PTPRT: variants seen among roughly 807,000 people sequenced by gnomAD.
PTPRT encodes the protein protein tyrosine phosphatase receptor type T.
Under a neutral mutation model 176.8 loss-of-function variants are expected in PTPRT, and 56 were observed. The ratio of observed to expected loss-of-function variants is 0.32; its 90% CI spans 0.26 to 0.40. The LOEUF is 0.40. Among genes scored for constraint, PTPRT ranks in the 10% least tolerant of loss-of-function variants. The pLI, the probability that PTPRT is intolerant of heterozygous loss-of-function variation, is 1.00. For synonymous variants in PTPRT, 783 were observed against 739.0 expected (o/e 1.06, Z -0.96); for missense variants, 1,540 against 1,908.2 (o/e 0.81, Z 3.60).
chr20:42,305,684 G>T (rs924272447), intron 12 of PTPRT, among the ~76,000 whole-genome samples: 4 of 152,132 alleles, frequency 2.6e-5, no homozygotes, highest in African/African-American at 9.7e-5. Flanking sequence ...TTTGCAAAGA[G>T]TTATCACGCC....
intron 18 of PTPRT, among the ~76,000 whole-genome samples, chr20:42,135,093 C>T (rs1345896997): frequency 6.6e-6 from 1 of 152,218 alleles, no homozygotes; most frequent in Non-Finnish European, 1.5e-5. Context: ...CCTATCCCTT[C>T]CAAAGACTGG....
intron 9 of PTPRT, 21 bp downstream of exon 9, chr20:42,448,199 C>T (rs760090878): frequency 6.4e-7 from 1 of 1,552,446 alleles, no homozygotes; most frequent in Non-Finnish European, 8.9e-7. Context: ...CCAATGGATG[C>T]AGCACAAGGG....
chr20:42,637,830 C>T (rs1331601571), intron 7 of PTPRT, among the ~76,000 whole-genome samples: 1 of 152,068 alleles, frequency 6.6e-6, no homozygotes, highest in Non-Finnish European at 1.5e-5. Context: ...AGAGCAACTG[C>T]AAATATATTA....
chr20:42,267,335 C>T (rs2056856343), intron 13 of PTPRT, among the ~76,000 whole-genome samples: 1 of 152,206 alleles, frequency 6.6e-6, no homozygotes, highest in Non-Finnish European at 1.5e-5. Flanking sequence ...GTATTAAGTG[C>T]ATTTTCAACT....
At chr20:42,425,656 G>A (rs772382553) in intron 9 of PTPRT, among the ~76,000 whole-genome samples, 3 of 152,204 alleles carry the variant, frequency 2.0e-5, no homozygotes, top group Admixed American at 6.5e-5. Context: ...TATGTGAGGA[G>A]ATGGATATGT....
chr20:42,681,219 C>A (rs948482671), intron 6 of PTPRT, among the ~76,000 whole-genome samples: 6 of 152,108 alleles, frequency 3.9e-5, no homozygotes, highest in Non-Finnish European at 7.3e-5. Flanking sequence ...TTCAAGAAGA[C>A]AGTATAGGAA....
chr20:42,719,923 G>A (rs976648535), intron 6 of PTPRT, among the ~76,000 whole-genome samples: 4 of 152,226 alleles, frequency 2.6e-5, no homozygotes, highest in Non-Finnish European at 4.4e-5. Context: ...GGTAGATGAA[G>A]CAACGAAAGG....
chr20:42,299,155 A>G (rs767579459), intron 12 of PTPRT, among the ~76,000 whole-genome samples: 95 of 152,258 alleles, frequency 6.2e-4, no homozygotes, highest in Non-Finnish European at 7.9e-4. Flanking sequence ...AAAAGAAGTG[A>G]TATGTGCTTT....
intron 2 of PTPRT, among the ~76,000 whole-genome samples, chr20:42,824,599 G>A (rs981556183): frequency 6.6e-6 from 1 of 151,698 alleles, no homozygotes; most frequent in African/African-American, 2.4e-5. Context: ...CTATTCACAT[G>A]GTGAATGAAA....
intron 2 of PTPRT, among the ~76,000 whole-genome samples, chr20:42,811,094 C>T (rs1190235978): frequency 6.6e-6 from 1 of 152,048 alleles, no homozygotes; most frequent in Non-Finnish European, 1.5e-5. Flanking sequence ...TTTGCTTTCC[C>T]TTTTTATTTT....
intron 2 of PTPRT, among the ~76,000 whole-genome samples, chr20:42,872,203 T>C (rs1156415087): frequency 2.6e-5 from 4 of 152,248 alleles, no homozygotes; most frequent in Admixed American, 2.0e-4. Context: ...TATGATCGTG[T>C]CAGCACAGAG....
At chr20:43,172,210 G>A (rs1234814217) in intron 1 of PTPRT, among the ~76,000 whole-genome samples, 3 of 152,112 alleles carry the variant, frequency 2.0e-5, no homozygotes, top group Non-Finnish European at 4.4e-5. Flanking sequence ...GTTAAGATCC[G>A]GAGAGATACA....
At chr20:42,399,228 G>A (rs554702505) in intron 9 of PTPRT, among the ~76,000 whole-genome samples, 2 of 152,076 alleles carry the variant, frequency 1.3e-5, no homozygotes, top group African/African-American at 4.8e-5. Flanking sequence ...CATTGCAAAG[G>A]GGCATGGGCA....
At chr20:42,347,123 T>C (rs1227826715) in intron 11 of PTPRT, among the ~76,000 whole-genome samples, 2 of 152,206 alleles carry the variant, frequency 1.3e-5, no homozygotes, top group Non-Finnish European at 2.9e-5. Context: ...AGTTAACATC[T>C]TAGACTTCAG....
intron 7 of PTPRT, among the ~76,000 whole-genome samples, chr20:42,526,417 A>G (rs932948264): frequency 1.3e-5 from 2 of 152,030 alleles, no homozygotes; most frequent in Admixed American, 6.6e-5. Context: ...GATGCTTCCA[A>G]TATGGCCCCT....
intron 6 of PTPRT, among the ~76,000 whole-genome samples, chr20:42,735,522 A>C (rs190022243): frequency 1.6e-4 from 25 of 152,196 alleles, no homozygotes; most frequent in African/African-American, 5.5e-4. Context: ...AAAAAAAAAA[A>C]CTCAGTGTTT....
chr20:42,870,628 T>G (rs192546750), intron 2 of PTPRT, among the ~76,000 whole-genome samples: 1 of 152,384 alleles, frequency 6.6e-6, no homozygotes, highest in East Asian at 1.9e-4. Flanking sequence ...CAGTCTATGA[T>G]GTTCACACAA....
At chr20:42,154,235 G>C (rs1472906682) in intron 17 of PTPRT, among the ~76,000 whole-genome samples, 2 of 152,210 alleles carry the variant, frequency 1.3e-5, no homozygotes, top group Non-Finnish European at 2.9e-5. Context: ...GGGATATTCT[G>C]TCATCACTCT....
chr20:42,840,554 A>G (rs1180318597), intron 2 of PTPRT, among the ~76,000 whole-genome samples: 1 of 152,118 alleles, frequency 6.6e-6, no homozygotes, highest in East Asian at 1.9e-4. Context: ...CTGGGATTAC[A>G]GGCATGCACC....
Sources: gnomAD v4.1 joint callset for allele counts (sites outside exome capture counted in the v4.1 genomes callset) on GRCh38, gnomAD v4.1.1 for gene constraint, MANE v1.5 for transcripts, NCBI Gene and HGNC (gene_info 2026-07-23, HGNC 2026-07-21) for gene names.